METTL24: variants seen among roughly 807,000 people sequenced by gnomAD.
METTL24 encodes the protein probable methyltransferase-like protein 24.
A neutral mutation model predicts 32.7 loss-of-function variants in METTL24; 29 were observed. That is an observed-to-expected ratio of 0.89 (90% CI 0.66 to 1.21). METTL24 has a LOEUF of 1.21. METTL24 is among the 50% of genes most tolerant of loss of function. METTL24 has a pLI of 0.00. For synonymous variants in METTL24, 163 were observed against 179.5 expected (o/e 0.91, Z 0.73); for missense variants, 439 against 468.1 (o/e 0.94, Z 0.57).
chr6:110,259,875 CA>C (rs1778458450), intron 4 of METTL24, among the ~76,000 whole-genome samples: 1 of 152,182 alleles, frequency 6.6e-6, no homozygotes, highest in Non-Finnish European at 1.5e-5. Flanking sequence ...AGACCTCTGG[CA>C]AACTCCAACA....
At chr6:110,247,196 C>G (rs1440250704) in intron 4 of METTL24, among the ~76,000 whole-genome samples, 3 of 152,188 alleles carry the variant, frequency 2.0e-5, no homozygotes, top group Non-Finnish European at 2.9e-5. Context: ...CTAAGGGCTT[C>G]CCCTTGCAAT....
chr6:110,358,152 G>T lies in METTL24; in HGVS notation c.121C>A (p.Pro41Thr). Residue 41 changes from proline (P) to threonine (T), a missense_variant, in exon 1 of 5, where the codon CCC becomes ACC. Pro to Thr is a conservative substitution (Grantham distance 38). Transcript: ENST00000338882. ...GGGCCCGGCGGGGCGCTGCGGGTGG[G>T]GGACCCGGGCCCGGCGCGCCGCAGC... is the stretch of plus-strand genomic sequence containing the variant. Reference protein sequence around the residue: ...AELRRAGPGSPTRSAPPGPAW... With the variant: ...AELRRAGPGSTTRSAPPGPAW... 8.4e-7 allele frequency: 1 copy of T among 1,185,924 alleles called. No homozygotes were observed. The highest frequency in any genetic ancestry group is 1.0e-6 in the Non-Finnish European group (1 of 959,964). The allele number at this position is 1,185,924 out of a possible 1,614,324, so 73.5% of individuals were successfully genotyped here.
chr6:110,287,696 T>C (rs1468978625), intron 4 of METTL24, among the ~76,000 whole-genome samples: 1 of 152,172 alleles, frequency 6.6e-6, no homozygotes, highest in African/African-American at 2.4e-5. Flanking sequence ...GATAAGGTAT[T>C]CAAATTTTCA....
At chr6:110,352,621 G>A (rs756911297) in intron 1 of METTL24, among the ~76,000 whole-genome samples, 1 of 147,464 alleles carries the variant, frequency 6.8e-6, no homozygotes, top group Non-Finnish European at 1.5e-5. Flanking sequence ...CAGAACATAA[G>A]ACATTAATGG....
intron 4 of METTL24, among the ~76,000 whole-genome samples, chr6:110,254,910 T>C (rs1562216533): frequency 6.6e-6 from 1 of 152,086 alleles, no homozygotes; most frequent in South Asian, 2.1e-4. Context: ...AGAAAGAGGG[T>C]CTTGTTGTTG....
At chr6:110,279,485 A>T (rs554734431) in intron 4 of METTL24, among the ~76,000 whole-genome samples, 1 of 152,336 alleles carries the variant, frequency 6.6e-6, no homozygotes, top group African/African-American at 2.4e-5. Context: ...GCATATAAAA[A>T]GCCTTAAGAC....
chr6:110,284,638 A>G (rs571144618), intron 4 of METTL24, among the ~76,000 whole-genome samples: 3 of 152,274 alleles, frequency 2.0e-5, no homozygotes, highest in African/African-American at 7.2e-5. Context: ...ATTATGGTTG[A>G]ATTTGACATA....
intron 4 of METTL24, among the ~76,000 whole-genome samples, chr6:110,294,283 T>C (rs1286409063): frequency 1.3e-5 from 2 of 151,962 alleles, no homozygotes; most frequent in Non-Finnish European, 2.9e-5. Flanking sequence ...TTTTTGAAAA[T>C]AAAAATATGT....
chr6:110,325,521 G>T (rs58427453), intron 1 of METTL24, among the ~76,000 whole-genome samples: 22,712 of 146,062 alleles, frequency 0.16, 2,155 homozygotes, highest in Middle Eastern at 0.22. Context: ...GGCCTAAAAG[G>T]GGGGGTTGAC....
intron 4 of METTL24, chr6:110,253,903 G>A: frequency 6.8e-7 from 1 of 1,465,552 alleles, no homozygotes; most frequent in Non-Finnish European, 9.1e-7. Flanking sequence ...AGAGCTTTCA[G>A]AATCTGAAGG....
At chr6:110,315,516 A>G (rs1483062888) in intron 2 of METTL24, 35 bp from the exon 3 acceptor site, 3 of 1,610,416 alleles carry the variant, frequency 1.9e-6, no homozygotes, top group African/African-American at 2.7e-5. Flanking sequence ...AATAATTTGA[A>G]ATGTTGGATG....
intron 4 of METTL24, among the ~76,000 whole-genome samples, chr6:110,269,094 A>C (rs1250698414): frequency 3.3e-5 from 5 of 152,164 alleles, no homozygotes; most frequent in African/African-American, 1.2e-4. Context: ...TCCATTCCTT[A>C]GGAAGGGACA....
intron 4 of METTL24, among the ~76,000 whole-genome samples, chr6:110,270,362 G>A (rs537783089): frequency 1.3e-5 from 2 of 152,172 alleles, no homozygotes; most frequent in Admixed American, 6.5e-5. Flanking sequence ...CTGGTTGTGG[G>A]GGGAGGGGTG....
intron 1 of METTL24, among the ~76,000 whole-genome samples, chr6:110,334,175 C>CG (rs534274357): frequency 3.3e-5 from 5 of 152,088 alleles, no homozygotes; most frequent in Admixed American, 6.5e-5. Context: ...ACCTGCAACC[C>CG]GGGGGCCCAC....
intron 4 of METTL24, chr6:110,254,159 A>AT (rs1274138863): frequency 1.8e-5 from 7 of 388,062 alleles, no homozygotes; most frequent in Middle Eastern, 4.5e-4. Flanking sequence ...CCATATAGAT[A>AT]TTTTCCCAAA....
At chr6:110,304,731 C>T (rs1771597580) in intron 3 of METTL24, among the ~76,000 whole-genome samples, 1 of 152,028 alleles carries the variant, frequency 6.6e-6, no homozygotes, top group Non-Finnish European at 1.5e-5. Flanking sequence ...ATGGAAAACA[C>T]TTCAGGATAT....
chr6:110,341,650 A>G (rs1772359252), intron 1 of METTL24, among the ~76,000 whole-genome samples: 1 of 152,190 alleles, frequency 6.6e-6, no homozygotes, highest in Admixed American at 6.5e-5. Context: ...TATAGTAATC[A>G]ACATATTTTT....
intron 4 of METTL24, among the ~76,000 whole-genome samples, chr6:110,292,781 A>T (rs566669931): frequency 6.6e-6 from 1 of 151,880 alleles, no homozygotes; most frequent in Non-Finnish European, 1.5e-5. Flanking sequence ...ATTGGTTTAA[A>T]TTTTTTGGTA....
chr6:110,308,095 T>A (rs1008274621), intron 3 of METTL24, among the ~76,000 whole-genome samples: 1 of 152,212 alleles, frequency 6.6e-6, no homozygotes, highest in African/African-American at 2.4e-5. Flanking sequence ...CCAGGATCCC[T>A]GCAGGCAGTT....
Sources: gnomAD v4.1 joint callset for allele counts (sites outside exome capture counted in the v4.1 genomes callset) on GRCh38, gnomAD v4.1.1 for gene constraint, MANE v1.5 for transcripts, NCBI Gene and HGNC (gene_info 2026-07-23, HGNC 2026-07-21) for gene names.